CDK19: variants seen among roughly 807,000 people sequenced by gnomAD.
CDK19 encodes the protein cyclin dependent kinase 19, also known as cyclin-dependent kinase 19.
CDK19 carries 20 observed loss-of-function variants against 68.3 expected under a neutral mutation model. The observed-to-expected ratio is 0.29, with a 90% CI of 0.21 to 0.43. CDK19 has a LOEUF of 0.43. CDK19 is among the 20% of genes least tolerant of loss of function. The pLI is 1.00. For missense variants in CDK19, 339 were observed against 623.5 expected (o/e 0.54, Z 4.86); for synonymous variants, 221 against 222.8 (o/e 0.99, Z 0.07).
intron 2 of CDK19, among the ~76,000 whole-genome samples, chr6:110,720,748 T>G (rs375847783): frequency 6.6e-6 from 1 of 150,830 alleles, no homozygotes; most frequent in Non-Finnish European, 1.5e-5. Flanking sequence ...ACACCTGTAG[T>G]CCCAGCTACT....
intron 5 of CDK19, among the ~76,000 whole-genome samples, chr6:110,637,028 T>G (rs1452949830): frequency 6.6e-6 from 1 of 152,198 alleles, no homozygotes; most frequent in Non-Finnish European, 1.5e-5. Context: ...GGCAGGGATG[T>G]TTGTAGGGAA....
At chr6:110,642,377 A>C (rs1361679272) in intron 4 of CDK19, among the ~76,000 whole-genome samples, 1 of 151,754 alleles carries the variant, frequency 6.6e-6, no homozygotes, top group Non-Finnish European at 1.5e-5. Context: ...CTCAACCCTC[A>C]TTCATTCAAC....
intron 1 of CDK19, among the ~76,000 whole-genome samples, chr6:110,810,913 T>C (rs748227342): frequency 2.6e-5 from 4 of 152,206 alleles, no homozygotes; most frequent in Admixed American, 6.5e-5. Context: ...AATGCACTTT[T>C]GGCATGCAAA....
At chr6:110,628,370 C>T (rs1002624981) in intron 6 of CDK19, among the ~76,000 whole-genome samples, 3 of 152,242 alleles carry the variant, frequency 2.0e-5, no homozygotes, top group South Asian at 2.1e-4. Context: ...TTTCAGTTAC[C>T]TGCAGTCAAC....
chr6:110,700,757 G>A lies in CDK19; in HGVS notation c.205-30216C>T, dbSNP rs183912171. ...ACAAGAAAAACTCCTTGTGGTGAAA[G>A]TTCTAAGGCACTGGGATGGTTTCCA... On this transcript the variant is annotated intron_variant, in intron 2 of 12. Coordinates refer to ENST00000368911, the MANE Select transcript of CDK19 (RefSeq NM_015076.5). The A allele has an allele frequency of 1.6e-3, 311 of 195,604 alleles. 2 individuals are homozygous for A. The highest frequency in any genetic ancestry group is 7.1e-3 in the African/African-American group (305 of 43,002). 12.1% of individuals were successfully genotyped at this position (195,604 alleles called of 1,614,324 possible).
intron 1 of CDK19, among the ~76,000 whole-genome samples, chr6:110,749,392 G>C (rs1003139557): frequency 2.2e-5 from 3 of 138,294 alleles, no homozygotes; most frequent in Non-Finnish European, 3.1e-5. Context: ...TTTTTTTTTT[G>C]AGACAAATGT....
chr6:110,807,220 G>A (rs907071635), intron 1 of CDK19, among the ~76,000 whole-genome samples: 13 of 151,382 alleles, frequency 8.6e-5, no homozygotes, highest in Non-Finnish European at 1.6e-4. Context: ...TGAAACAATC[G>A]CTTGAGCCCA....
Position 110,630,379 on chromosome 6 carries a change from A to G in CDK19, c.646+1651T>C, listed in dbSNP as rs185943538. ...TCTAAGGCATCACCTTTTACTTTCA[A>G]CTAACACTCTTCCCTTCCCTGGCTT... On this transcript the variant is annotated intron_variant, in intron 6 of 12. Transcript: ENST00000368911. 2.4e-3 allele frequency among the ~76,000 whole-genome samples: 368 copies of G among 152,214 alleles called. 1 individual carries two copies. The highest frequency in any genetic ancestry group is 4.2e-3 in the South Asian group (20 of 4,814).
intron 2 of CDK19, among the ~76,000 whole-genome samples, chr6:110,725,068 A>G (rs1776226398): frequency 6.6e-6 from 1 of 152,190 alleles, no homozygotes; most frequent in African/African-American, 2.4e-5. Context: ...TTTCACTATT[A>G]TATCTCCAGC....
intron 1 of CDK19, among the ~76,000 whole-genome samples, chr6:110,781,054 A>G (rs1489884296): frequency 6.6e-6 from 1 of 152,182 alleles, no homozygotes; most frequent in Admixed American, 6.5e-5. Flanking sequence ...AGTTGTAAGG[A>G]CAGAAAATGT....
chr6:110,738,770 G>A (rs1335651905), intron 2 of CDK19, among the ~76,000 whole-genome samples: 1 of 152,074 alleles, frequency 6.6e-6, no homozygotes, highest in Non-Finnish European at 1.5e-5. Context: ...AAAAGCAAAG[G>A]TTTATTCCTT....
intron 1 of CDK19, among the ~76,000 whole-genome samples, chr6:110,764,947 T>C (rs1203482014): frequency 5.6e-5 from 2 of 35,650 alleles, no homozygotes; most frequent in East Asian, 2.4e-3. Context: ...CAAAACTCCA[T>C]CTCAAAAATA....
chr6:110,687,812 A>G (rs1772615329), intron 2 of CDK19, among the ~76,000 whole-genome samples: 1 of 152,246 alleles, frequency 6.6e-6, no homozygotes, highest in South Asian at 2.1e-4. Context: ...TATAATAATG[A>G]AGAATAAGTA....
At chr6:110,673,648 T>C (rs1771211558) in intron 2 of CDK19, among the ~76,000 whole-genome samples, 1 of 152,128 alleles carries the variant, frequency 6.6e-6, no homozygotes, top group South Asian at 2.1e-4. Flanking sequence ...ATAGATTAAG[T>C]TTGCCATTAA....
intron 1 of CDK19, among the ~76,000 whole-genome samples, chr6:110,787,933 G>A (rs528260186): frequency 3.2e-4 from 49 of 151,552 alleles, no homozygotes; most frequent in African/African-American, 1.0e-3. Flanking sequence ...TCTGCCTCCC[G>A]GGTTCAAATG....
chr6:110,795,032 C>T (rs529202614), intron 1 of CDK19, among the ~76,000 whole-genome samples: 3 of 152,244 alleles, frequency 2.0e-5, no homozygotes, highest in South Asian at 4.1e-4. Flanking sequence ...TGCAGTGGTG[C>T]GATCACAGCT....
chr6:110,791,668 T>C (rs1174995408), intron 1 of CDK19, among the ~76,000 whole-genome samples: 1 of 152,176 alleles, frequency 6.6e-6, no homozygotes, highest in African/African-American at 2.4e-5. Flanking sequence ...ATTTTTCTTT[T>C]TTTTATAGAG....
chr6:110,706,412 T>TG (rs1554208642), intron 2 of CDK19: 3 of 85,368 alleles, frequency 3.5e-5, no homozygotes, highest in African/African-American at 7.8e-5. Context: ...TTGTTTTTTT[T>TG]TTGTTTGTTT....
intron 2 of CDK19, among the ~76,000 whole-genome samples, chr6:110,691,788 C>T (rs1364904688): frequency 6.6e-6 from 1 of 151,076 alleles, no homozygotes; most frequent in Non-Finnish European, 1.5e-5. Context: ...GCTGGGATTA[C>T]AGGCACATGC....
Sources: allele counts gnomAD v4.1 joint callset (sites outside exome capture counted in the v4.1 genomes callset), GRCh38; gene constraint gnomAD v4.1.1; transcripts MANE v1.5; gene names NCBI Gene and HGNC (gene_info 2026-07-23, HGNC 2026-07-21).